ASB13: variants seen among roughly 807,000 people sequenced by gnomAD.
ASB13 encodes ankyrin repeat and SOCS box protein 13.
In ASB13, 33 loss-of-function variants were observed where a neutral mutation model predicts 28.8. The ratio of observed to expected loss-of-function variants is 1.15; its 90% CI spans 0.87 to 1.53. ASB13 has a LOEUF of 1.53. ASB13 is among the 40% of genes most tolerant of loss of function. ASB13 has a pLI of 0.00. For missense variants in ASB13, 414 were observed against 390.1 expected, an observed-to-expected ratio of 1.06 and a Z score of -0.52; for synonymous variants, 182 against 172.9, an observed-to-expected ratio of 1.05 and a Z score of -0.41.
chr10:5,640,574 C>T lies in ASB13; in HGVS notation c.*129G>A. On this transcript the variant is annotated 3_prime_UTR_variant, in exon 6 of 6. Transcript: ENST00000357700. ...CAGGAGAGAAGCCTAAACAGGATCG[C>T]AGGAAGGGACTCGAAGGAGCGTTGT... is the stretch of plus-strand genomic sequence containing the variant. 1 of 1,217,818 alleles carries T rather than the reference C, an allele frequency of 8.2e-7. No homozygotes were observed. Among genetic ancestry groups the T allele is most frequent in the South Asian group, 1.4e-5 (1 of 70,080 alleles). The allele number at this position is 1,217,818 out of a possible 1,614,324, so 75.4% of individuals were successfully genotyped here.
Position 5,642,440 on chromosome 10 carries a change from T to C in ASB13, c.518-479A>G, listed in dbSNP as rs900607823. 4 of 1,082,884 alleles carry C rather than the reference T, an allele frequency of 3.7e-6. No homozygotes were observed. Among genetic ancestry groups the C allele is most frequent in the Admixed American group, 4.4e-5 (1 of 22,860 alleles). 67.1% of individuals were successfully genotyped at this position (1,082,884 alleles called of 1,614,324 possible). A position where few individuals can be genotyped will look rare whatever the true frequency, so the allele number is the denominator to read the frequency against. Reference sequence around the variant, plus strand: ...AGAATAAATGTTCCTTAACAATGCATATTCTTTTACAAAAGGAAAACAGAT... The same window carrying C: ...AGAATAAATGTTCCTTAACAATGCACATTCTTTTACAAAAGGAAAACAGAT... On this transcript the variant is annotated intron_variant, in intron 4 of 5. Transcript: ENST00000357700. The surrounding 1 kb of genome is among the most constrained non-coding windows in gnomAD (Gnocchi z 4.1).
In ASB13 at chr10:5,664,058, G is replaced by A. The variant is rs552471134; in HGVS notation, c.43+2451C>T. Among the ~76,000 whole-genome samples the A allele has an allele frequency of 2.0e-5, 3 of 152,224 alleles. No homozygotes were observed. The highest frequency in any genetic ancestry group is 2.1e-4 in the South Asian group (1 of 4,814). On this transcript the variant is annotated intron_variant, in intron 1 of 5. Coordinates refer to ENST00000357700, the MANE Select transcript of ASB13 (RefSeq NM_024701.4). This position sits in a 1 kb window ranked among gnomAD's most constrained non-coding sequence, Gnocchi z 4.2. Reference sequence around the variant, plus strand: ...GCTGGGGAGTGATTTCCAGACCATCGGGGGAGCTGGAGAGCAGGCTGGTGC... The same window carrying A: ...GCTGGGGAGTGATTTCCAGACCATCAGGGGAGCTGGAGAGCAGGCTGGTGC...
Position 5,640,514 on chromosome 10 carries a change from G to C in ASB13, c.*189C>G. 1.4e-6 allele frequency: 1 copy of C among 697,900 alleles called. No individual in the cohort carries two copies. The allele number at this position is 697,900 out of a possible 1,614,324, so 43.2% of individuals were successfully genotyped here. A position where few individuals can be genotyped will look rare whatever the true frequency, so the allele number is the denominator to read the frequency against. ...CCCACAACTGTGACCTGAGACGCAG[G>C]CCTTCCCAACACCCTGGAAACATTA... On this transcript the variant is annotated 3_prime_UTR_variant, in exon 6 of 6. Transcript: ENST00000357700.
At position 5,654,944 on chromosome 10, in the gene ASB13, T is replaced by G. The variant is rs531702120; in HGVS notation, c.44-1894A>C. 3.0e-4 allele frequency among the ~76,000 whole-genome samples: 45 copies of G among 152,134 alleles called. No individual in the cohort carries two copies. In the Middle Eastern group the frequency reaches 0.017, roughly 57 times the overall value. On this transcript the variant is annotated intron_variant, in intron 1 of 5. Coordinates refer to ENST00000357700, the MANE Select transcript of ASB13 (RefSeq NM_024701.4). Reference sequence around the variant, plus strand: ...AAACCCCCGTCTCTACTAAAAATATTTTTTTAAATTACCTGGGCGTGGTGG... The same window carrying G: ...AAACCCCCGTCTCTACTAAAAATATGTTTTTAAATTACCTGGGCGTGGTGG...
chr10:5,648,591 C>T (rs1309934632), intron 4 of ASB13, among the ~76,000 whole-genome samples: 1 of 147,158 alleles, frequency 6.8e-6, no homozygotes, highest in Non-Finnish European at 1.5e-5. Context: ...CGCAGGCAAA[C>T]ACCCCCTCGG....
intron 1 of ASB13, among the ~76,000 whole-genome samples, chr10:5,665,166 A>G (rs528264148): frequency 6.6e-6 from 1 of 152,296 alleles, no homozygotes; most frequent in African/African-American, 2.4e-5. Context: ...CCCAAAACCT[A>G]AATGTTTTGG....
At chr10:5,648,220 TAAACACCCACGCAGGC>T (rs1374567005) in intron 4 of ASB13, among the ~76,000 whole-genome samples, 2 of 116,050 alleles carry the variant, frequency 1.7e-5, no homozygotes, top group African/African-American at 3.3e-5. Flanking sequence ...CCCACTCAGG[TAAACACCCACGCAGGC>T]AAACACCCAC....
At position 5,661,337 on chromosome 10, in the gene ASB13, G is replaced by A. The variant is rs12261741; in HGVS notation, c.43+5172C>T. Among the ~76,000 whole-genome samples the A allele has an allele frequency of 3.0e-3, 463 of 152,272 alleles. 3 individuals are homozygous for A. Among genetic ancestry groups the A allele is most frequent in the African/African-American group, 9.1e-3 (378 of 41,554 alleles). The stretch of plus-strand genomic sequence containing the variant: ...CACTTGCCCCCAACCCCGCCCCGCC[G>A]AGCCTGGGGCCTCTCCAGGGTCAGG... On this transcript the variant is annotated intron_variant, in intron 1 of 5. Transcript: ENST00000357700. This position sits in a 1 kb window ranked among gnomAD's most constrained non-coding sequence, Gnocchi z 4.9.
At chr10:5,665,797 G>A (rs1213411193) in intron 1 of ASB13, among the ~76,000 whole-genome samples, 3 of 151,516 alleles carry the variant, frequency 2.0e-5, no homozygotes, top group Non-Finnish European at 2.9e-5. Flanking sequence ...ATATGCTTTA[G>A]ATTTTTTTTT....
chr10:5,640,370 G>A lies in ASB13; in HGVS notation c.*333C>T. The A allele has an allele frequency of 4.8e-6, 1 of 210,012 alleles. No individual in the cohort carries two copies. 13.0% of individuals were successfully genotyped at this position (210,012 alleles called of 1,614,324 possible). A position where few individuals can be genotyped will look rare whatever the true frequency, so the allele number is the denominator to read the frequency against. On this transcript the variant is annotated 3_prime_UTR_variant, in exon 6 of 6. Coordinates refer to ENST00000357700, the MANE Select transcript of ASB13 (RefSeq NM_024701.4). The stretch of plus-strand genomic sequence containing the variant: ...CCCCAGCTCTGCCAGCCTCCTCTGT[G>A]CTCCCCACGCCGTCTGTCCTGAGAG...
chr10:5,641,852 G>T lies in ASB13; in HGVS notation c.627C>A (p.Tyr209Ter). ...GCTTCTTCCCGCGGTTGTCCCGGGC[G>T]TAGATGTTGCCGCCAAACTCGATAA... ...EMLIEFGGNI[Y>*]ARDNRGKKPS... The change falls in exon 5 of 6, where the codon TAC becomes TAA. Residue 209 changes from tyrosine (Y) to a stop codon, truncating the protein, a stop_gained. Coordinates refer to ENST00000357700, the MANE Select transcript of ASB13 (RefSeq NM_024701.4). LOFTEE classifies it high-confidence loss of function. The surrounding 1 kb of genome is among the most constrained non-coding windows in gnomAD (Gnocchi z 8.4). 1.2e-6 allele frequency: 2 copies of T among 1,613,996 alleles called. No homozygotes were observed. Among genetic ancestry groups the T allele is most frequent in the Admixed American group, 1.7e-5 (1 of 60,012 alleles).
rs1381522037 is a variant in ASB13 at position 5,656,395 on chromosome 10, C to T, written c.44-3345G>A. Among the ~76,000 whole-genome samples the T allele has an allele frequency of 2.0e-5, 3 of 152,034 alleles. No individual in the cohort carries two copies. Among genetic ancestry groups the T allele is most frequent in the African/African-American group, 4.8e-5 (2 of 41,398 alleles). ...TCTACTAAAAATACAAAGAATTAGC[C>T]GGCCGTGGTGGCACGTGCCTGTAAT... On this transcript the variant is annotated intron_variant, in intron 1 of 5. Transcript: ENST00000357700. The surrounding 1 kb of genome is among the most constrained non-coding windows in gnomAD (Gnocchi z 4.3).
Position 5,641,871 on chromosome 10 carries a change from T to G in ASB13, c.608A>C (p.Glu203Ala). 6.2e-7 allele frequency: 1 copy of G among 1,613,904 alleles called. No homozygotes were observed. Among genetic ancestry groups the G allele is most frequent in the Non-Finnish European group, 8.5e-7 (1 of 1,179,930 alleles). ...KNVDLIEMLI[E>A]FGGNIYARDN... ...CCGGGCGTAGATGTTGCCGCCAAAC[T>G]CGATAAGCATCTCGATGAGGTCAAC... The change falls in exon 5 of 6, where the codon GAG becomes GCG. Residue 203 changes from glutamate to alanine, a missense_variant. Glu to Ala is a moderately radical substitution (Grantham distance 107). Coordinates refer to ENST00000357700, the MANE Select transcript of ASB13 (RefSeq NM_024701.4). The surrounding 1 kb of genome is among the most constrained non-coding windows in gnomAD (Gnocchi z 8.4).
chr10:5,640,506 A>G lies in ASB13; in HGVS notation c.*197T>C, dbSNP rs1030804758. ...GGGCCACACCCACAACTGTGACCTG[A>G]GACGCAGGCCTTCCCAACACCCTGG... On this transcript the variant is annotated 3_prime_UTR_variant, in exon 6 of 6. Transcript: ENST00000357700. 1.1e-5 allele frequency: 7 copies of G among 647,570 alleles called. No individual in the cohort carries two copies. Among genetic ancestry groups the G allele is most frequent in the Non-Finnish European group, 1.8e-5 (7 of 390,072 alleles). 40.1% of individuals were successfully genotyped at this position (647,570 alleles called of 1,614,324 possible).
At position 5,645,170 on chromosome 10, in the gene ASB13, C is replaced by T. The variant is rs1353640214; in HGVS notation, c.518-3209G>A. On this transcript the variant is annotated intron_variant, in intron 4 of 5. Coordinates refer to ENST00000357700, the MANE Select transcript of ASB13 (RefSeq NM_024701.4). The surrounding 1 kb of genome is among the most constrained non-coding windows in gnomAD (Gnocchi z 5.4). Reference sequence around the variant, plus strand: ...GGGACCGCCTAAGACCTTAGCACGCCAAGACTGGCACAATCCTGGAACATA... The same window carrying T: ...GGGACCGCCTAAGACCTTAGCACGCTAAGACTGGCACAATCCTGGAACATA... Among the ~76,000 whole-genome samples, 2 of 151,394 alleles carry T rather than the reference C, an allele frequency of 1.3e-5. No individual in the cohort carries two copies. The highest frequency in any genetic ancestry group is 2.9e-5 in the Non-Finnish European group (2 of 67,962).
chr10:5,653,089 T>A, intron 1 of ASB13, 39 bp from the exon 2 acceptor site: 1 of 1,501,616 alleles, frequency 6.7e-7, no homozygotes, highest in East Asian at 2.5e-5. Flanking sequence ...ACCCTGCCAC[T>A]TCCATCCAGG....
In ASB13 at chr10:5,655,900, G is replaced by A. The variant is rs1277758924; in HGVS notation, c.44-2850C>T. Among the ~76,000 whole-genome samples, 2 of 152,248 alleles carry A rather than the reference G, an allele frequency of 1.3e-5. No homozygotes were observed. Among genetic ancestry groups the A allele is most frequent in the African/African-American group, 4.8e-5 (2 of 41,468 alleles). On this transcript the variant is annotated intron_variant, in intron 1 of 5. Transcript: ENST00000357700. This position sits in a 1 kb window ranked among gnomAD's most constrained non-coding sequence, Gnocchi z 6.2. ...GTTCCCGACGTGCCTCCATTCACAA[G>A]ACGTCCAGGTGGATTTAGCGTCTTC...
Position 5,652,135 on chromosome 10 carries a change from A to G in ASB13, c.231+728T>C, listed in dbSNP as rs1346983686. 6.6e-6 allele frequency among the ~76,000 whole-genome samples: 1 copy of G among 151,708 alleles called. No individual in the cohort carries two copies. The highest frequency in any genetic ancestry group is 1.5e-5 in the Non-Finnish European group (1 of 67,936). ...TCCCCTAGTGAGAAAGTCAGAGGCC[A>G]GGAAAAAGGCAACTCCCCAAATTGG... On this transcript the variant is annotated intron_variant, in intron 2 of 5. Coordinates refer to ENST00000357700, the MANE Select transcript of ASB13 (RefSeq NM_024701.4). This position sits in a 1 kb window ranked among gnomAD's most constrained non-coding sequence, Gnocchi z 5.0.
intron 4 of ASB13, among the ~76,000 whole-genome samples, chr10:5,643,177 C>G (rs1020704585): frequency 1.3e-5 from 2 of 152,124 alleles, no homozygotes; most frequent in African/African-American, 4.8e-5. Flanking sequence ...TAGATTCAAA[C>G]CACAAACATA....
Sources: allele counts gnomAD v4.1 joint callset (sites outside exome capture counted in the v4.1 genomes callset), GRCh38; gene constraint gnomAD v4.1.1; non-coding constraint Gnocchi (gnomAD v3.1); transcripts MANE v1.5; gene names NCBI Gene and HGNC (gene_info 2026-07-23, HGNC 2026-07-21).